Variants in LUZP2 observed in about 807,000 individuals in gnomAD.
LUZP2 encodes leucine zipper protein 2.
Under a neutral mutation model 51.6 loss-of-function variants are expected in LUZP2, and 52 were observed. The observed-to-expected ratio is 1.01, with a 90% CI of 0.81 to 1.27. The LOEUF (loss-of-function observed/expected upper bound fraction) is 1.27, where lower values mean the gene tolerates loss of function less well. Among genes scored for constraint, LUZP2 ranks in the 50% most tolerant of loss-of-function variants. LUZP2 has a pLI of 0.00. For missense variants in LUZP2, 436 were observed against 395.4 expected (o/e 1.10, Z -0.87); for synonymous variants, 154 against 137.3 (o/e 1.12, Z -0.85).
intron 9 of LUZP2, among the ~76,000 whole-genome samples, chr11:25,008,252 G>C (rs1856889213): frequency 6.6e-6 from 1 of 152,186 alleles, no homozygotes; most frequent in Non-Finnish European, 1.5e-5. Flanking sequence ...TGCTGGAGGA[G>C]GTTTTCATGT....
intron 1 of LUZP2, among the ~76,000 whole-genome samples, chr11:24,670,178 C>T (rs1856357290): frequency 6.6e-6 from 1 of 152,022 alleles, no homozygotes; most frequent in Non-Finnish European, 1.5e-5. Context: ...AGAAGCAACA[C>T]CAGAACTTGG....
intron 10 of LUZP2, among the ~76,000 whole-genome samples, chr11:25,064,432 G>A (rs1371655542): frequency 6.6e-6 from 1 of 151,838 alleles, no homozygotes; most frequent in Non-Finnish European, 1.5e-5. Flanking sequence ...TAAAAAACAT[G>A]AGCAGCATGT....
intron 9 of LUZP2, among the ~76,000 whole-genome samples, chr11:25,006,358 C>G (rs1169410002): frequency 6.6e-6 from 1 of 152,156 alleles, no homozygotes; most frequent in East Asian, 1.9e-4. Flanking sequence ...GGCGACATGA[C>G]TTTGATAGTT....
chr11:24,774,180 T>C (rs1848835624), intron 5 of LUZP2, among the ~76,000 whole-genome samples: 1 of 151,610 alleles, frequency 6.6e-6, no homozygotes, highest in Non-Finnish European at 1.5e-5. Context: ...TCAACCTACA[T>C]CTTTCTCCTG....
intron 9 of LUZP2, among the ~76,000 whole-genome samples, chr11:25,044,985 C>G (rs1166397360): frequency 7.0e-6 from 1 of 142,930 alleles, no homozygotes; most frequent in African/African-American, 2.6e-5. Flanking sequence ...CACATGTTCT[C>G]ACTCATAGGT....
At chr11:24,528,165 A>G (rs1850875817) in intron 1 of LUZP2, among the ~76,000 whole-genome samples, 1 of 151,474 alleles carries the variant, frequency 6.6e-6, no homozygotes, top group African/African-American at 2.4e-5. Context: ...ATAATTCTTT[A>G]TAGTCAAAAG....
At chr11:24,950,568 A>G (rs1209147759) in intron 7 of LUZP2, among the ~76,000 whole-genome samples, 2 of 151,590 alleles carry the variant, frequency 1.3e-5, no homozygotes, top group Non-Finnish European at 3.0e-5. Flanking sequence ...GTGACATGTG[A>G]GACAGACCAA....
At chr11:24,727,437 C>A (rs1858521728) in intron 1 of LUZP2, among the ~76,000 whole-genome samples, 1 of 151,944 alleles carries the variant, frequency 6.6e-6, no homozygotes. Flanking sequence ...CACGTCATTT[C>A]ATTTACTCTT....
At chr11:25,028,824 G>A (rs1435045216) in intron 9 of LUZP2, among the ~76,000 whole-genome samples, 1 of 151,504 alleles carries the variant, frequency 6.6e-6, no homozygotes, top group East Asian at 1.9e-4. Flanking sequence ...AATTTTTCTT[G>A]ACTATAATTA....
At chr11:24,726,639 T>A (rs1217224545) in intron 1 of LUZP2, among the ~76,000 whole-genome samples, 1 of 152,046 alleles carries the variant, frequency 6.6e-6, no homozygotes, top group Non-Finnish European at 1.5e-5. Context: ...ATACACTTTA[T>A]TAATTTTTAA....
intron 1 of LUZP2, among the ~76,000 whole-genome samples, chr11:24,626,528 C>G (rs1854688270): frequency 6.6e-6 from 1 of 152,124 alleles, no homozygotes; most frequent in South Asian, 2.1e-4. Context: ...TGACTTTCAT[C>G]AATGACAAGG....
At position 24,922,825 on chromosome 11, in the gene LUZP2, C is replaced by CTTTTTTT. The variant is rs1277388215; in HGVS notation, c.522+8292_522+8298dup. ...GGACTACCAAGTGGCACAGTTATATCTTTTTTTTTTTCTTTTTTTTTTTTT... is the reference window on the plus strand; with the variant it reads ...GGACTACCAAGTGGCACAGTTATATCTTTTTTTTTTTTTTTTTTCTTTTTTTTTTTTT... On this transcript the variant is annotated intron_variant, in intron 7 of 11. Coordinates refer to ENST00000336930, the MANE Select transcript of LUZP2 (RefSeq NM_001009909.4). Among the ~76,000 whole-genome samples, 5 of 44,620 alleles carry CTTTTTTT rather than the reference C, an allele frequency of 1.1e-4. 2 individuals are homozygous for CTTTTTTT. Among genetic ancestry groups the CTTTTTTT allele is most frequent in the African/African-American group, 1.4e-4 (3 of 21,926 alleles). The allele number at this position is 44,620 out of a possible 152,430, so 29.3% of individuals were successfully genotyped here.
intron 1 of LUZP2, among the ~76,000 whole-genome samples, chr11:24,645,083 A>G (rs1855424300): frequency 6.6e-6 from 1 of 152,124 alleles, no homozygotes; most frequent in East Asian, 1.9e-4. Flanking sequence ...GTTTACGTAA[A>G]ATATTAGTTA....
rs140604352 is a variant in LUZP2 at position 25,010,833 on chromosome 11, T to C, written c.765+27540T>C. On this transcript the variant is annotated intron_variant, in intron 9 of 11. Coordinates refer to ENST00000336930, the MANE Select transcript of LUZP2 (RefSeq NM_001009909.4). ...TTGCACTCCAGCCTGGGTGACAGAG[T>C]GAGATACCATCCAAATAATAATAAT... Among the ~76,000 whole-genome samples the C allele has an allele frequency of 4.5e-3, 686 of 151,734 alleles. 8 individuals are homozygous for C. Among genetic ancestry groups the C allele is most frequent in the African/African-American group, 0.016 (653 of 41,368 alleles).
intron 5 of LUZP2, among the ~76,000 whole-genome samples, chr11:24,878,738 C>T (rs903244828): frequency 1.8e-4 from 28 of 151,856 alleles, no homozygotes; most frequent in African/African-American, 6.5e-4. Context: ...CTTTGCTGCA[C>T]TTATTGACCC....
intron 7 of LUZP2, among the ~76,000 whole-genome samples, chr11:24,937,063 C>G (rs1001457706): frequency 6.6e-6 from 1 of 151,942 alleles, no homozygotes; most frequent in African/African-American, 2.4e-5. Flanking sequence ...CACACACACA[C>G]ACACACACAT....
In LUZP2 at chr11:24,888,484, C is replaced by A. The variant is rs1325507317; in HGVS notation, c.397-17507C>A. 2.0e-5 allele frequency among the ~76,000 whole-genome samples: 3 copies of A among 151,850 alleles called. No homozygotes were observed. The South Asian group carries it at 6.2e-4, about 32-fold the overall frequency. On this transcript the variant is annotated intron_variant, in intron 5 of 11. Transcript: ENST00000336930. ...ATATTTTAAGTTTCCAGTCAAAAAT[C>A]AAAATGAGATTGAGGATATAATTAT... is the stretch of plus-strand genomic sequence containing the variant.
At chr11:25,034,658 T>A (rs11028369) in intron 9 of LUZP2, among the ~76,000 whole-genome samples, 2 of 152,040 alleles carry the variant, frequency 1.3e-5, no homozygotes, top group Middle Eastern at 3.4e-3. Context: ...GTTATCCCAG[T>A]TCCATTTATT....
chr11:24,715,304 T>TGC (rs1554978584), intron 1 of LUZP2, among the ~76,000 whole-genome samples: 3 of 67,696 alleles, frequency 4.4e-5, no homozygotes, highest in Non-Finnish European at 1.2e-4. Flanking sequence ...TGTGTGTGTG[T>TGC]GTGCATGCGT....
Sources: gnomAD v4.1 joint callset for allele counts (sites outside exome capture counted in the v4.1 genomes callset) on GRCh38, gnomAD v4.1.1 for gene constraint, MANE v1.5 for transcripts, NCBI Gene and HGNC (gene_info 2026-07-23, HGNC 2026-07-21) for gene names.